The following KCNQ5 variants were observed in gnomAD, a reference collection of about 807,000 sequenced individuals.
KCNQ5 encodes potassium voltage-gated channel subfamily KQT member 5.
A neutral mutation model predicts 98.2 loss-of-function variants in KCNQ5; 30 were observed. That is an observed-to-expected ratio of 0.31 (90% confidence interval 0.23 to 0.41). The LOEUF (loss-of-function observed/expected upper bound fraction) is 0.41, where lower values mean the gene tolerates loss of function less well. Ranked by LOEUF, KCNQ5 falls within the 10% of genes least tolerant of loss-of-function variation. The pLI is 1.00. For synonymous variants in KCNQ5, 458 were observed against 449.4 expected, an observed-to-expected ratio of 1.02 and a Z score of -0.24; for missense variants, 835 against 1,182.5, an observed-to-expected ratio of 0.71 and a Z score of 4.31.
chr6:73,064,928 C>T (rs980342320), intron 3 of KCNQ5, among the ~76,000 whole-genome samples: 1 of 152,010 alleles, frequency 6.6e-6, no homozygotes, highest in African/African-American at 2.4e-5. Flanking sequence ...AATACAGAAA[C>T]ACAGCTTCCT....
intron 1 of KCNQ5, among the ~76,000 whole-genome samples, chr6:72,908,673 T>C (rs1779797723): frequency 6.6e-6 from 1 of 152,096 alleles, no homozygotes; most frequent in African/African-American, 2.4e-5. Context: ...AAAAGACTTT[T>C]GAATAGGGCT....
At chr6:73,043,479 A>G (rs1582246164) in intron 3 of KCNQ5, among the ~76,000 whole-genome samples, 2 of 152,220 alleles carry the variant, frequency 1.3e-5, no homozygotes, top group Non-Finnish European at 2.9e-5. Context: ...GCCCCAAGGC[A>G]TATTAGTGAA....
At chr6:72,672,680 C>T (rs1767192144) in intron 1 of KCNQ5, among the ~76,000 whole-genome samples, 1 of 152,086 alleles carries the variant, frequency 6.6e-6, no homozygotes, top group Non-Finnish European at 1.5e-5. Flanking sequence ...GCCGTACCTA[C>T]CTTACAAAAT....
chr6:73,098,974 G>C (rs893171563), intron 5 of KCNQ5, among the ~76,000 whole-genome samples: 6 of 151,836 alleles, frequency 4.0e-5, no homozygotes, highest in African/African-American at 1.4e-4. Flanking sequence ...AGATAAAGTA[G>C]AAACAACAAA....
rs181633411 is a variant in KCNQ5 at position 73,151,952 on chromosome 6, G to A, written c.1469-17794G>A. On this transcript the variant is annotated intron_variant, in intron 10 of 13. Transcript: ENST00000370398. ...CCCTCAATTCACACTAGTCCTATCT[G>A]GACCAATTTCCCTCTCCACCTGACA... Among the ~76,000 whole-genome samples, 93 of 152,106 alleles carry A rather than the reference G, an allele frequency of 6.1e-4. 1 individual carries two copies. The South Asian group carries it at 0.015, about 25-fold the overall frequency.
chr6:72,972,215 C>T, intron 1 of KCNQ5, among the ~76,000 whole-genome samples: 1 of 152,142 alleles, frequency 6.6e-6, no homozygotes, highest in East Asian at 1.9e-4. Context: ...AGCCAGTTTT[C>T]AGAATCTCCC....
intron 1 of KCNQ5, among the ~76,000 whole-genome samples, chr6:72,973,962 A>G (rs944438937): frequency 2.6e-5 from 4 of 152,228 alleles, no homozygotes; most frequent in Non-Finnish European, 5.9e-5. Context: ...TAAATTCACA[A>G]TAAGTTCTGA....
At chr6:72,751,642 T>C (rs1771691164) in intron 1 of KCNQ5, among the ~76,000 whole-genome samples, 1 of 152,120 alleles carries the variant, frequency 6.6e-6, no homozygotes, top group Non-Finnish European at 1.5e-5. Context: ...ATGTGCATTT[T>C]ACCATTGACT....
chr6:73,008,590 TAAC>T (rs1562124513), intron 2 of KCNQ5, among the ~76,000 whole-genome samples: 3 of 152,040 alleles, frequency 2.0e-5, no homozygotes, highest in African/African-American at 7.2e-5. Flanking sequence ...ATGCACCTAA[TAAC>T]AGGTAATAAA....
At chr6:72,726,335 T>G (rs1396678887) in intron 1 of KCNQ5, among the ~76,000 whole-genome samples, 2 of 151,736 alleles carry the variant, frequency 1.3e-5, no homozygotes, top group African/African-American at 4.8e-5. Flanking sequence ...CTCAGCCTCC[T>G]GAGTAGCTGG....
intron 10 of KCNQ5, among the ~76,000 whole-genome samples, chr6:73,139,686 G>A (rs896451172): frequency 6.6e-6 from 1 of 152,144 alleles, no homozygotes; most frequent in African/African-American, 2.4e-5. Context: ...GGCAAAGTGG[G>A]TAAAGGAACA....
At position 73,194,893 on chromosome 6, in the gene KCNQ5, C is replaced by T. The variant is rs200730063; in HGVS notation, c.2278C>T (p.Leu760=). ...IPPPLPAIKH[L]PRPETLHPNP... is the part of the protein sequence containing the mutation. ...ACCTCCTCTCCCAGCCATCAAGCAT[C>T]TGCCCAGGCCAGAAACTCTGCACCC... The change falls in exon 14 of 14, where the codon CTG becomes TTG. Residue 760 remains leucine (L), a synonymous_variant. Coordinates refer to ENST00000370398, the MANE Select transcript of KCNQ5 (RefSeq NM_019842.4). 1 of 1,614,200 alleles carries T rather than the reference C, an allele frequency of 6.2e-7. No individual in the cohort carries two copies. Among genetic ancestry groups the T allele is most frequent in the Admixed American group, 1.7e-5 (1 of 60,014 alleles).
At chr6:73,096,712 GCTAATTAACA>G (rs1774517144) in intron 5 of KCNQ5, among the ~76,000 whole-genome samples, 1 of 152,214 alleles carries the variant, frequency 6.6e-6, no homozygotes. Context: ...ATTACATCGT[GCTAATTAACA>G]TATCCACCAC....
At chr6:72,898,543 T>C (rs756894864) in intron 1 of KCNQ5, among the ~76,000 whole-genome samples, 2 of 152,256 alleles carry the variant, frequency 1.3e-5, no homozygotes, top group Non-Finnish European at 2.9e-5. Context: ...CCATGGTATA[T>C]GTGTACCACA....
At chr6:72,852,609 G>A (rs1777309170) in intron 1 of KCNQ5, among the ~76,000 whole-genome samples, 2 of 97,650 alleles carry the variant, frequency 2.0e-5, no homozygotes, top group South Asian at 3.8e-4. Context: ...AGAGACCAGA[G>A]AGGGCAGTGG....
intron 3 of KCNQ5, among the ~76,000 whole-genome samples, chr6:73,048,944 T>C (rs1772091822): frequency 6.6e-6 from 1 of 152,200 alleles, no homozygotes; most frequent in South Asian, 2.1e-4. Flanking sequence ...CATTAAAGAT[T>C]GTTTATTTCT....
intron 1 of KCNQ5, among the ~76,000 whole-genome samples, chr6:72,970,394 T>C (rs940687966): frequency 3.3e-5 from 5 of 152,152 alleles, no homozygotes; most frequent in Non-Finnish European, 7.4e-5. Context: ...GATTGGCCAA[T>C]AGTTTGATTA....
In KCNQ5 at chr6:73,194,741, T is replaced by G. The variant is rs1444866990; in HGVS notation, c.2126T>G (p.Met709Arg). 9 of 1,614,120 alleles carry G rather than the reference T, an allele frequency of 5.6e-6. No homozygotes were observed. The highest frequency in any genetic ancestry group is 7.6e-6 in the Non-Finnish European group (9 of 1,180,056). ...AQTFYALSPT[M>R]HSQATQVPIS... ...ACTTTCTACGCGCTTAGCCCTACTATGCACAGTCAAGCAACACAGGTGCCA... is the reference window on the plus strand; with the variant it reads ...ACTTTCTACGCGCTTAGCCCTACTAGGCACAGTCAAGCAACACAGGTGCCA... Residue 709 changes from methionine to arginine, a missense_variant, in exon 14 of 14, where the codon ATG becomes AGG. Met to Arg is a moderately conservative substitution (Grantham distance 91). Around this residue, in one of 10 missense-constraint regions of KCNQ5, gnomAD observed 416 missense variants for 446.9 expected, o/e 0.93. Coordinates refer to ENST00000370398, the MANE Select transcript of KCNQ5 (RefSeq NM_019842.4).
intron 3 of KCNQ5, among the ~76,000 whole-genome samples, chr6:73,049,990 A>G (rs1772144339): frequency 6.6e-6 from 1 of 152,034 alleles, no homozygotes; most frequent in East Asian, 1.9e-4. Flanking sequence ...GTTCAAAATC[A>G]TCAACCTGGG....
Sources: gnomAD v4.1 joint callset for allele counts (sites outside exome capture counted in the v4.1 genomes callset) on GRCh38, gnomAD v4.1.1 for gene constraint, gnomAD v4.1.1 regional missense constraint, MANE v1.5 for transcripts, NCBI Gene and HGNC (gene_info 2026-07-23, HGNC 2026-07-21) for gene names.